PARD3: variants seen among roughly 807,000 people sequenced by gnomAD.
PARD3 encodes the protein partitioning defective 3 homolog.
In PARD3, 75 loss-of-function variants were observed where a neutral mutation model predicts 155.4. That is an observed-to-expected ratio of 0.48 (90% CI 0.40 to 0.58). PARD3 has a LOEUF of 0.58. Among genes scored for constraint, PARD3 ranks in the 20% least tolerant of loss-of-function variants. The probability of loss-of-function intolerance (pLI) is 0.00; values close to 1 mark genes in which losing one functional copy is unlikely to be tolerated. For missense variants in PARD3, 1,642 were observed against 1,721.7 expected, an observed-to-expected ratio of 0.95 and a Z score of 0.82; for synonymous variants, 576 against 610.5, an observed-to-expected ratio of 0.94 and a Z score of 0.83.
intron 16 of PARD3, among the ~76,000 whole-genome samples, chr10:34,338,833 A>G (rs530760906): frequency 6.6e-6 from 1 of 152,356 alleles, no homozygotes; most frequent in Non-Finnish European, 1.5e-5. Flanking sequence ...CAGTTGTCTC[A>G]TTCACTTAAA....
At position 34,578,640 on chromosome 10, in the gene PARD3, G is replaced by A. The variant is rs139172724; in HGVS notation, c.223-61481C>T. Among the ~76,000 whole-genome samples, 172 of 152,316 alleles carry A rather than the reference G, an allele frequency of 1.1e-3. 1 individual carries two copies. The East Asian group carries it at 0.022, about 19-fold the overall frequency. ...ATATGAAGAAACTGAAGCTGTAGGT[G>A]GTCAAACATCAAGTACTTTGTGGAG... On this transcript the variant is annotated intron_variant, in intron 2 of 24. Transcript: ENST00000374788.
At chr10:34,645,337 C>G (rs1459245218) in intron 2 of PARD3, among the ~76,000 whole-genome samples, 1 of 152,004 alleles carries the variant, frequency 6.6e-6, no homozygotes, top group African/African-American at 2.4e-5. Flanking sequence ...TCCCCAGTAG[C>G]TGGAATTACA....
intron 16 of PARD3, among the ~76,000 whole-genome samples, chr10:34,338,891 T>C (rs1332147898): frequency 3.9e-5 from 6 of 152,168 alleles, no homozygotes; most frequent in Non-Finnish European, 8.8e-5. Flanking sequence ...CCCATGTAAA[T>C]TGCTAACTAC....
At chr10:34,292,529 A>G (rs1000422974) in intron 20 of PARD3, among the ~76,000 whole-genome samples, 1 of 152,184 alleles carries the variant, frequency 6.6e-6, no homozygotes, top group African/African-American at 2.4e-5. Context: ...ACAACTTGAT[A>G]GCGCTTTTGT....
intron 2 of PARD3, among the ~76,000 whole-genome samples, chr10:34,608,980 G>T (rs1033326432): frequency 6.6e-6 from 1 of 152,082 alleles, no homozygotes; most frequent in African/African-American, 2.4e-5. Context: ...CCAATATGAG[G>T]ACCTTGGGCA....
Position 34,464,817 on chromosome 10 carries a change from A to G in PARD3, c.582+5268T>C, listed in dbSNP as rs74328553. On this transcript the variant is annotated intron_variant, in intron 4 of 24. Transcript: ENST00000374788. ...CCCCCTGGTAATAAGAATAGCCAAC[A>G]TCTGTATAGAGCCATGCTCCACAGA... 1.0e-2 allele frequency among the ~76,000 whole-genome samples: 1,516 copies of G among 152,322 alleles called. 25 individuals are homozygous for G. The highest frequency in any genetic ancestry group is 0.034 in the African/African-American group (1,402 of 41,568).
chr10:34,737,427 G>C (rs988292404), intron 1 of PARD3, among the ~76,000 whole-genome samples: 2 of 152,186 alleles, frequency 1.3e-5, no homozygotes, highest in African/African-American at 4.8e-5. Context: ...CAAGGACTAA[G>C]AAAGACGTCT....
intron 20 of PARD3, chr10:34,312,492 C>A (rs968931757): frequency 2.0e-5 from 21 of 1,037,796 alleles, no homozygotes; most frequent in Non-Finnish European, 2.8e-5. Flanking sequence ...CAAACTACGA[C>A]ATTCAGTTTT....
At chr10:34,506,713 T>A in intron 3 of PARD3, among the ~76,000 whole-genome samples, 1 of 152,210 alleles carries the variant, frequency 6.6e-6, no homozygotes. Flanking sequence ...GGAAAATATA[T>A]CTTGTTCGTG....
intron 5 of PARD3, among the ~76,000 whole-genome samples, chr10:34,409,814 T>C (rs1262994391): frequency 6.6e-6 from 1 of 152,198 alleles, no homozygotes; most frequent in East Asian, 1.9e-4. Flanking sequence ...TAATTCCCAG[T>C]ATATGATACA....
chr10:34,440,761 C>T (rs1363664785), intron 5 of PARD3, among the ~76,000 whole-genome samples: 2 of 152,020 alleles, frequency 1.3e-5, no homozygotes, highest in Non-Finnish European at 2.9e-5. Flanking sequence ...CATTCAACTG[C>T]ACACCCCAGG....
chr10:34,216,196 T>C (rs966395248), intron 22 of PARD3, among the ~76,000 whole-genome samples: 2 of 152,194 alleles, frequency 1.3e-5, no homozygotes, highest in African/African-American at 2.4e-5. Context: ...TCAATATTTG[T>C]ATGCAAATAT....
At chr10:34,227,595 G>A (rs762376017) in intron 22 of PARD3, among the ~76,000 whole-genome samples, 5 of 152,192 alleles carry the variant, frequency 3.3e-5, no homozygotes, top group South Asian at 2.1e-4. Context: ...CCGAGATTGC[G>A]CCATTGCACG....
intron 1 of PARD3, among the ~76,000 whole-genome samples, chr10:34,704,132 T>A (rs1157241721): frequency 6.6e-6 from 1 of 152,082 alleles, no homozygotes; most frequent in African/African-American, 2.4e-5. Context: ...ACACCCCAAA[T>A]GTGACCTCTT....
At chr10:34,115,202 G>A (rs1436226604) in intron 24 of PARD3, among the ~76,000 whole-genome samples, 3 of 152,126 alleles carry the variant, frequency 2.0e-5, no homozygotes, top group Non-Finnish European at 4.4e-5. Flanking sequence ...GAGAGAACGC[G>A]GGAGGGTGCA....
intron 22 of PARD3, among the ~76,000 whole-genome samples, chr10:34,185,810 TCTATA>T (rs1292291397): frequency 2.7e-5 from 3 of 110,330 alleles, no homozygotes; most frequent in African/African-American, 7.2e-5. Context: ...AGTAACATCT[TCTATA>T]TTATATTATA....
At chr10:34,302,515 C>T (rs1957203046) in intron 20 of PARD3, among the ~76,000 whole-genome samples, 1 of 152,152 alleles carries the variant, frequency 6.6e-6, no homozygotes, top group Admixed American at 6.5e-5. Flanking sequence ...GAACTCAGGA[C>T]ATCTAAATTT....
intron 22 of PARD3, among the ~76,000 whole-genome samples, chr10:34,151,643 G>C (rs1948787356): frequency 6.6e-6 from 1 of 152,074 alleles, no homozygotes; most frequent in Non-Finnish European, 1.5e-5. Context: ...ATGTTATAAA[G>C]GGTTGAAAAG....
At chr10:34,136,980 T>C (rs1172896979) in intron 22 of PARD3, among the ~76,000 whole-genome samples, 1 of 152,202 alleles carries the variant, frequency 6.6e-6, no homozygotes, top group Admixed American at 6.5e-5. Flanking sequence ...CAGAACAAAT[T>C]GATCAGCAAA....
Sources: allele counts gnomAD v4.1 joint callset (sites outside exome capture counted in the v4.1 genomes callset), GRCh38; gene constraint gnomAD v4.1.1; transcripts MANE v1.5; gene names NCBI Gene and HGNC (gene_info 2026-07-23, HGNC 2026-07-21).